PPIG: variants seen among roughly 807,000 people sequenced by gnomAD.
PPIG encodes the protein peptidylprolyl isomerase G.
A neutral mutation model predicts 87.9 loss-of-function variants in PPIG; 26 were observed. The ratio of observed to expected loss-of-function variants is 0.30; its 90% CI spans 0.22 to 0.41. The LOEUF is 0.41. Ranked by LOEUF, PPIG falls within the 10% of genes least tolerant of loss-of-function variation. The pLI is 1.00. For synonymous variants in PPIG, 308 were observed against 276.5 expected, an observed-to-expected ratio of 1.11 and a Z score of -1.13; for missense variants, 722 against 879.4, an observed-to-expected ratio of 0.82 and a Z score of 2.26.
chr2:169,630,146 T>C lies in PPIG; in HGVS notation c.548-628T>C, dbSNP rs535377395. 3.9e-5 allele frequency among the ~76,000 whole-genome samples: 6 copies of C among 152,206 alleles called. No individual in the cohort carries two copies. The South Asian group carries it at 1.2e-3, about 32-fold the overall frequency. On this transcript the variant is annotated intron_variant, in intron 9 of 13. Transcript: ENST00000260970. ...ATTGATCCTTTAAACTCTGAGTTTT[T>C]TTTTTTTTACCCTTTTTAAAGTTAC... is the stretch of plus-strand genomic sequence containing the variant.
rs984412434 is a variant in PPIG at position 169,637,361 on chromosome 2, A to G, written c.2103A>G (p.Leu701=). Residue 701 remains leucine, a synonymous_variant, in exon 14 of 14, where the codon TTA becomes TTG. Coordinates refer to ENST00000260970, the MANE Select transcript of PPIG (RefSeq NM_004792.3). The part of the protein sequence containing the change: ...KIKQSSQDNE[L]KSSMLKNKED... ...AACAAAGCAGTCAGGACAATGAATT[A>G]AAGTCCTCCATGTTGAAAAATAAGG... 1 of 1,610,908 alleles carries G rather than the reference A, an allele frequency of 6.2e-7. No individual in the cohort carries two copies. Among genetic ancestry groups the G allele is most frequent in the Non-Finnish European group, 8.5e-7 (1 of 1,179,398 alleles).
chr2:169,596,624 C>T (rs1004674724), intron 1 of PPIG, among the ~76,000 whole-genome samples: 1 of 152,170 alleles, frequency 6.6e-6, no homozygotes, highest in African/African-American at 2.4e-5. Flanking sequence ...CTTGAAGGCT[C>T]CAGGAGTCAC....
chr2:169,602,409 G>A (rs558817236), intron 1 of PPIG, among the ~76,000 whole-genome samples: 36 of 152,162 alleles, frequency 2.4e-4, no homozygotes, highest in African/African-American at 7.0e-4. Flanking sequence ...TCTACCTCCC[G>A]GGCTCAAGCA....
At chr2:169,611,305 C>A (rs537591493) in intron 7 of PPIG, among the ~76,000 whole-genome samples, 11 of 152,296 alleles carry the variant, frequency 7.2e-5, no homozygotes, top group Non-Finnish European at 1.6e-4. Context: ...CCCAGAGCAT[C>A]TTTCTGTGCA....
At chr2:169,617,368 T>C (rs537721175) in intron 9 of PPIG, among the ~76,000 whole-genome samples, 1 of 152,328 alleles carries the variant, frequency 6.6e-6, no homozygotes, top group South Asian at 2.1e-4. Context: ...CATATGAAAT[T>C]TAAAGCAGTT....
chr2:169,612,700 G>A (rs1685523866), intron 7 of PPIG, among the ~76,000 whole-genome samples: 1 of 151,888 alleles, frequency 6.6e-6, no homozygotes, highest in Admixed American at 6.6e-5. Context: ...ATTTTTTATG[G>A]CTGTGTAATA....
chr2:169,609,931 G>T (rs1396922435), intron 7 of PPIG, among the ~76,000 whole-genome samples: 2 of 152,166 alleles, frequency 1.3e-5, no homozygotes, highest in Admixed American at 1.3e-4. Flanking sequence ...ACTATTCATA[G>T]ATTCTGTCTT....
intron 4 of PPIG, 69 bp downstream of exon 4, chr2:169,604,330 T>C: frequency 4.6e-6 from 1 of 217,544 alleles, no homozygotes; most frequent in Non-Finnish European, 6.9e-6. Flanking sequence ...TTGCTTGGTT[T>C]TTTTTTTTTT....
chr2:169,608,329 AAAT>A (rs1401091751), intron 6 of PPIG, among the ~76,000 whole-genome samples: 1 of 152,006 alleles, frequency 6.6e-6, no homozygotes, highest in African/African-American at 2.4e-5. Flanking sequence ...TCTCTACTAA[AAAT>A]ACAAAAATTA....
At position 169,594,090 on chromosome 2, in the gene PPIG, G is replaced by A. The variant is rs974093376; in HGVS notation, c.-69-9552G>A. ...GCTTTTGATTATATGTTGCTAAAAA[G>A]AGCACCAGCGTAGCCAACTTTATAC... On this transcript the variant is annotated intron_variant, in intron 1 of 13. Transcript: ENST00000260970. Among the ~76,000 whole-genome samples, 9 of 152,224 alleles carry A rather than the reference G, an allele frequency of 5.9e-5. 1 individual carries two copies. The Middle Eastern group carries it at 0.01, about 173-fold the overall frequency.
rs573756560 is a variant in PPIG, at chr2:169,618,454, T to A, written c.547+3730T>A. Among the ~76,000 whole-genome samples the A allele has an allele frequency of 3.9e-5, 6 of 152,352 alleles. No homozygotes were observed. The East Asian group carries it at 1.2e-3, about 29-fold the overall frequency. ...TACCAGCTCCTCTTTGTACCTCTGG[T>A]AGAATTTAGCTGTGAATCCATCTGG... is the stretch of plus-strand genomic sequence containing the variant. On this transcript the variant is annotated intron_variant, in intron 9 of 13. Coordinates refer to ENST00000260970, the MANE Select transcript of PPIG (RefSeq NM_004792.3).
At chr2:169,633,619 G>C (rs1031501743) in intron 12 of PPIG, 1 of 264,304 alleles carries the variant, frequency 3.8e-6, no homozygotes, top group African/African-American at 2.2e-5. Flanking sequence ...TAAATATCTT[G>C]TGCTTTCAAA....
At chr2:169,607,429 T>C (rs1685363866) in intron 6 of PPIG, among the ~76,000 whole-genome samples, 1 of 152,200 alleles carries the variant, frequency 6.6e-6, no homozygotes, top group South Asian at 2.1e-4. Flanking sequence ...TAGGTCAATC[T>C]TAACTTTTAT....
At position 169,607,147 on chromosome 2, in the gene PPIG, A is replaced by G. The variant is rs149108569; in HGVS notation, c.288A>G (p.Glu96=). ...GGESIYGGFF[E]DESFAVKHNK... is the part of the protein sequence containing the mutation. The stretch of plus-strand genomic sequence containing the variant: ...AATCTATCTATGGAGGATTTTTTGA[A>G]GGTAAAAATGTTTACATTTATATTA... The change falls in exon 6 of 14, where the codon GAA becomes GAG. Residue 96 remains glutamate, a splice_region_variant and synonymous_variant. Transcript: ENST00000260970. The G allele has an allele frequency of 4.6e-5, 71 of 1,538,588 alleles. No individual in the cohort carries two copies. The highest frequency in any genetic ancestry group is 6.0e-5 in the Non-Finnish European group (67 of 1,118,594).
chr2:169,590,293 T>G (rs1684827989), intron 1 of PPIG, among the ~76,000 whole-genome samples: 1 of 152,158 alleles, frequency 6.6e-6, no homozygotes, highest in African/African-American at 2.4e-5. Flanking sequence ...GGTTTCGAAT[T>G]GTTGGAGTTT....
intron 7 of PPIG, among the ~76,000 whole-genome samples, chr2:169,609,001 G>A (rs1235713148): frequency 4.6e-5 from 7 of 150,992 alleles, no homozygotes; most frequent in Non-Finnish European, 7.4e-5. Flanking sequence ...GGAGAATGGC[G>A]TGAACCCGGG....
chr2:169,613,427 A>T (rs1374240725), intron 7 of PPIG, among the ~76,000 whole-genome samples: 1 of 149,502 alleles, frequency 6.7e-6, no homozygotes, highest in Admixed American at 6.7e-5. Flanking sequence ...AAGGTTTTTT[A>T]AAAATAAAAA....
At position 169,596,053 on chromosome 2, in the gene PPIG, C is replaced by G. The variant is rs191339964; in HGVS notation, c.-69-7589C>G. On this transcript the variant is annotated intron_variant, in intron 1 of 13. Transcript: ENST00000260970. The stretch of plus-strand genomic sequence containing the variant: ...TCCTGACCTCAGATGATCCACCCGC[C>G]TCGGCCTCCCAAAGTGCTGGGATTA... Among the ~76,000 whole-genome samples, 42 of 151,798 alleles carry G rather than the reference C, an allele frequency of 2.8e-4. No individual in the cohort carries two copies. The East Asian group carries it at 7.2e-3, about 26-fold the overall frequency.
intron 4 of PPIG, among the ~76,000 whole-genome samples, chr2:169,605,484 CAA>C (rs922330676): frequency 2.6e-5 from 4 of 151,758 alleles, no homozygotes; most frequent in East Asian, 1.9e-4. Flanking sequence ...GCCTGGGCGA[CAA>C]GAGTGAGATC....
Sources: allele counts gnomAD v4.1 joint callset (sites outside exome capture counted in the v4.1 genomes callset), GRCh38; gene constraint gnomAD v4.1.1; transcripts MANE v1.5; gene names NCBI Gene and HGNC (gene_info 2026-07-23, HGNC 2026-07-21).